Variants in MPV17L observed in about 807,000 individuals in gnomAD.
MPV17L encodes MPV17 mitochondrial inner membrane protein like.
Under a neutral mutation model 25.8 loss-of-function variants are expected in MPV17L, and 24 were observed. That is an observed-to-expected ratio of 0.93 (90% confidence interval 0.67 to 1.31). The LOEUF (loss-of-function observed/expected upper bound fraction) is 1.31, where lower values mean the gene tolerates loss of function less well. Ranked by LOEUF, MPV17L falls within the 50% of genes most tolerant of loss-of-function variation. The pLI, the probability that MPV17L is intolerant of heterozygous loss-of-function variation, is 0.00. For synonymous variants in MPV17L, 102 were observed against 115.3 expected (o/e 0.88, Z 0.74); for missense variants, 250 against 265.6 (o/e 0.94, Z 0.41).
intron 2 of MPV17L, 143 bp downstream of exon 2, chr16:15,401,000 T>C (rs2050630045): frequency 2.4e-6 from 1 of 411,858 alleles, no homozygotes; most frequent in South Asian, 9.3e-5. Context: ...TATTTTCATA[T>C]ACATGTGATA....
rs2050727285 is a variant in MPV17L at position 15,410,889 on chromosome 16, GTAGT to G, written c.*2780_*2783del. The G allele has an allele frequency of 2.0e-5, 3 of 151,366 alleles. No individual in the cohort carries two copies. Among genetic ancestry groups the G allele is most frequent in the African/African-American group, 7.4e-5 (3 of 40,662 alleles). The allele number at this position is 151,366 out of a possible 1,614,324, so 9.4% of individuals were successfully genotyped here. ...ACTTGTTATTTGCTTTGTTGTAAAA[GTAGT>G]TAATACAATGGAAAAATGGTTTCGT... is the stretch of plus-strand genomic sequence containing the variant. On this transcript the variant is annotated 3_prime_UTR_variant, in exon 4 of 4. Coordinates refer to ENST00000396385, the MANE Select transcript of MPV17L (RefSeq NM_001128423.2).
At position 15,396,013 on chromosome 16, in the gene MPV17L, AG is replaced by A; in HGVS notation, c.119del (p.Gly40AlafsTer17). 6.6e-7 allele frequency: 1 copy of A among 1,525,554 alleles called. No individual in the cohort carries two copies. Among genetic ancestry groups the A allele is most frequent in the Non-Finnish European group, 8.8e-7 (1 of 1,142,156 alleles). The allele number at this position is 1,525,554 out of a possible 1,614,324, so 94.5% of individuals were successfully genotyped here. On this transcript the variant is annotated frameshift_variant, in exon 1 of 4. Coordinates refer to ENST00000396385, the MANE Select transcript of MPV17L (RefSeq NM_001128423.2). LOFTEE classifies it high-confidence loss of function. ...SAGDALQQRLQGREANWRQTR... is the reference protein window; with the variant it reads ...SAGDALQQRLXGREANWRQTR... ...GGGGACGCGCTGCAACAGCGGCTGCAGGGCCGCGAGGCCAACTGGCGCCAGA... is the reference window on the plus strand; with the variant it reads ...GGGGACGCGCTGCAACAGCGGCTGCAGGCCGCGAGGCCAACTGGCGCCAGA...
rs560388150 is a variant in MPV17L, at chr16:15,402,659, T to C, written c.381+1802T>C. 5.9e-5 allele frequency among the ~76,000 whole-genome samples: 9 copies of C among 152,292 alleles called. No homozygotes were observed. The South Asian group carries it at 1.7e-3, about 28-fold the overall frequency. On this transcript the variant is annotated intron_variant, in intron 2 of 3. Coordinates refer to ENST00000396385, the MANE Select transcript of MPV17L (RefSeq NM_001128423.2). ...GTGATTTTCTTCTGGTTTTGTTTTTTGTTTGTGTGTTTTGGTTTTTTTGTT... is the reference window on the plus strand; with the variant it reads ...GTGATTTTCTTCTGGTTTTGTTTTTCGTTTGTGTGTTTTGGTTTTTTTGTT...
chr16:15,407,308 C>T (rs1327639411), intron 2 of MPV17L, among the ~76,000 whole-genome samples: 3 of 152,064 alleles, frequency 2.0e-5, no homozygotes, highest in African/African-American at 4.8e-5. Flanking sequence ...CCCCACAACT[C>T]CCCAACCCCC....
chr16:15,398,872 G>A (rs772323584), intron 1 of MPV17L, among the ~76,000 whole-genome samples: 17 of 152,228 alleles, frequency 1.1e-4, no homozygotes, highest in Non-Finnish European at 4.4e-5. Flanking sequence ...GGGATTACAG[G>A]TGTGAGCCAC....
intron 1 of MPV17L, among the ~76,000 whole-genome samples, chr16:15,398,590 C>CTTTTT (rs397742667): frequency 4.4e-5 from 6 of 137,088 alleles, no homozygotes; most frequent in Non-Finnish European, 7.7e-5. Context: ...TTCTTTCTTT[C>CTTTTT]TTTTTTTTTT....
rs2050583445 is a variant in MPV17L, at chr16:15,396,318, C to T, written c.310+111C>T. ...AGGGCGCTGCAGGAGCCTGGGGACC[C>T]GGGCAGGAGCCGGGGCTCTGAGACC... On this transcript the variant is annotated intron_variant, in intron 1 of 3. Transcript: ENST00000396385. The T allele has an allele frequency of 3.8e-5, 52 of 1,356,986 alleles. No individual in the cohort carries two copies. The South Asian group carries it at 7.0e-4, about 18-fold the overall frequency. 84.1% of individuals were successfully genotyped at this position (1,356,986 alleles called of 1,614,324 possible). A position where few individuals can be genotyped will look rare whatever the true frequency, so the allele number is the denominator to read the frequency against.
In MPV17L at chr16:15,405,834, C is replaced by T. The variant is rs533255287; in HGVS notation, c.382-1990C>T. Among the ~76,000 whole-genome samples, 18 of 151,718 alleles carry T rather than the reference C, an allele frequency of 1.2e-4. No homozygotes were observed. In the East Asian group the frequency reaches 3.3e-3, roughly 28 times the overall value. ...CTGAGGTGGGCAGATCACCTGAGCT[C>T]GGGAATTTGAGATGCACAACAAGAG... On this transcript the variant is annotated intron_variant, in intron 2 of 3. Coordinates refer to ENST00000396385, the MANE Select transcript of MPV17L (RefSeq NM_001128423.2).
chr16:15,406,658 G>A (rs1385271464), intron 2 of MPV17L, among the ~76,000 whole-genome samples: 3 of 152,168 alleles, frequency 2.0e-5, no homozygotes, highest in Admixed American at 2.0e-4. Context: ...GGGCACAGTG[G>A]CTCATGCCTG....
At chr16:15,398,323 G>A (rs1350100944) in intron 1 of MPV17L, among the ~76,000 whole-genome samples, 5 of 151,972 alleles carry the variant, frequency 3.3e-5, no homozygotes, top group Middle Eastern at 3.2e-3. Flanking sequence ...GATTACAGGC[G>A]TGAGCCCTCA....
rs765404605 is a variant in MPV17L, at chr16:15,400,780, C to T, written c.311-7C>T. On this transcript the variant is annotated splice_region_variant and splice_polypyrimidine_tract_variant and intron_variant, in intron 1 of 3. Coordinates refer to ENST00000396385, the MANE Select transcript of MPV17L (RefSeq NM_001128423.2). ...CTTTTAAAATTTTTTTTGGGTTTTGCAAATAGGTATGAGCATTCTCCAAGG... is the reference window on the plus strand; with the variant it reads ...CTTTTAAAATTTTTTTTGGGTTTTGTAAATAGGTATGAGCATTCTCCAAGG... 1 of 1,586,464 alleles carries T rather than the reference C, an allele frequency of 6.3e-7. No homozygotes were observed. Among genetic ancestry groups the T allele is most frequent in the Admixed American group, 1.8e-5 (1 of 54,134 alleles).
chr16:15,404,627 C>A (rs1598425841), intron 2 of MPV17L, among the ~76,000 whole-genome samples: 1 of 152,254 alleles, frequency 6.6e-6, no homozygotes, highest in Non-Finnish European at 1.5e-5. Flanking sequence ...TCGAGACCAG[C>A]CTGACCAACA....
rs1351394075 is a variant in MPV17L, at chr16:15,408,978, T to G, written c.*866T>G. 6.6e-6 allele frequency: 1 copy of G among 152,002 alleles called. No homozygotes were observed. The highest frequency in any genetic ancestry group is 1.5e-5 in the Non-Finnish European group (1 of 68,062). The allele number at this position is 152,002 out of a possible 1,614,324, so 9.4% of individuals were successfully genotyped here. On this transcript the variant is annotated 3_prime_UTR_variant, in exon 4 of 4. Coordinates refer to ENST00000396385, the MANE Select transcript of MPV17L (RefSeq NM_001128423.2). ...TTGTATTTTTAGTAGAGATGAAGTT[T>G]CACCGTGTTGGCCAGGATGGTCTTG...
At chr16:15,400,878 T>G in intron 2 of MPV17L, 21 bp downstream of exon 2, 1 of 1,529,148 alleles carries the variant, frequency 6.5e-7, no homozygotes, top group African/African-American at 1.4e-5. Context: ...CGTTTGAAAA[T>G]GTAATCACTA....
At chr16:15,399,509 G>A (rs1435436149) in intron 1 of MPV17L, 8 of 426,038 alleles carry the variant, frequency 1.9e-5, no homozygotes, top group Non-Finnish European at 3.3e-5. Context: ...GGGCTCAAGC[G>A]ATCCTCCCAC....
rs2050573427 is a variant in MPV17L, at chr16:15,395,861, A to T, written c.-37A>T. 3.6e-6 allele frequency: 5 copies of T among 1,373,928 alleles called. No homozygotes were observed. The highest frequency in any genetic ancestry group is 9.3e-7 in the Non-Finnish European group (1 of 1,074,402). 85.1% of individuals were successfully genotyped at this position (1,373,928 alleles called of 1,614,324 possible). ...GACCCGGTGCAGGAAGACGCCGACC[A>T]CGCGGGCTCCTGATCGCGGGCGCCC... On this transcript the variant is annotated 5_prime_UTR_variant, in exon 1 of 4. Coordinates refer to ENST00000396385, the MANE Select transcript of MPV17L (RefSeq NM_001128423.2).
intron 2 of MPV17L, among the ~76,000 whole-genome samples, chr16:15,403,218 A>G (rs976881898): frequency 6.6e-6 from 1 of 151,830 alleles, no homozygotes; most frequent in African/African-American, 2.4e-5. Flanking sequence ...AAATACAACA[A>G]ATTAGCAGGG....
chr16:15,410,308 T>G lies in MPV17L; in HGVS notation c.*2196T>G. 1 of 152,110 alleles carries G rather than the reference T, an allele frequency of 6.6e-6. No homozygotes were observed. The highest frequency in any genetic ancestry group is 2.1e-4 in the South Asian group (1 of 4,820). The allele number at this position is 152,110 out of a possible 1,614,324, so 9.4% of individuals were successfully genotyped here. On this transcript the variant is annotated 3_prime_UTR_variant, in exon 4 of 4. Transcript: ENST00000396385. ...CTCTATTTTAAAGAAAAGTTTCACT[T>G]TGGGAGGCCAAGGCGGTTGGATCAC...
intron 1 of MPV17L, 37 bp from the exon 2 acceptor site, chr16:15,400,750 T>C: frequency 6.8e-7 from 1 of 1,468,706 alleles, no homozygotes; most frequent in Non-Finnish European, 9.3e-7. Context: ...GGTACTCTAC[T>C]GAATCTTTTA....
Sources: allele counts gnomAD v4.1 joint callset (sites outside exome capture counted in the v4.1 genomes callset), GRCh38; gene constraint gnomAD v4.1.1; transcripts MANE v1.5; gene names NCBI Gene and HGNC (gene_info 2026-07-23, HGNC 2026-07-21).